The following NCAPH variants were observed in gnomAD, a reference collection of about 807,000 sequenced individuals.
NCAPH encodes non-SMC condensin I complex subunit H.
A neutral mutation model predicts 85.5 loss-of-function variants in NCAPH; 38 were observed. The observed-to-expected ratio is 0.44, with a 90% CI of 0.34 to 0.58. The LOEUF (loss-of-function observed/expected upper bound fraction) is 0.58, where lower values mean the gene tolerates loss of function less well. NCAPH is among the 20% of genes least tolerant of loss of function. The pLI, the probability that NCAPH is intolerant of heterozygous loss-of-function variation, is 0.01. For synonymous variants in NCAPH, 301 were observed against 335.1 expected, an observed-to-expected ratio of 0.90 and a Z score of 1.11; for missense variants, 789 against 916.6, an observed-to-expected ratio of 0.86 and a Z score of 1.80.
intron 6 of NCAPH, among the ~76,000 whole-genome samples, chr2:96,346,095 G>T (rs1414638787): frequency 6.6e-6 from 1 of 152,192 alleles, no homozygotes; most frequent in Admixed American, 6.5e-5. Flanking sequence ...AGAATTGCCA[G>T]GCTGATGTCC....
At chr2:96,354,038 A>C in intron 8 of NCAPH, 145 bp from the exon 9 acceptor site, 1 of 755,806 alleles carries the variant, frequency 1.3e-6, no homozygotes, top group Non-Finnish European at 2.3e-6. Context: ...TGGCCCAGGC[A>C]GGCAGGGGAT....
chr2:96,367,436 C>T lies in NCAPH; in HGVS notation c.1998+63C>T, dbSNP rs1486177782. 5.9e-6 allele frequency: 7 copies of T among 1,185,748 alleles called. No homozygotes were observed. The African/African-American group carries it at 7.7e-5, about 13-fold the overall frequency. The allele number at this position is 1,185,748 out of a possible 1,614,324, so 73.5% of individuals were successfully genotyped here. On this transcript the variant is annotated intron_variant, in intron 15 of 17. Coordinates refer to ENST00000240423, the MANE Select transcript of NCAPH (RefSeq NM_015341.5). ...GCGGGAGGGGAGTGGTTGATGTCTA[C>T]AGCTGAAGACACCTCGATTTGGGCA...
chr2:96,359,828 T>TG (rs2064579900), intron 10 of NCAPH, among the ~76,000 whole-genome samples: 1 of 152,218 alleles, frequency 6.6e-6, no homozygotes, highest in African/African-American at 2.4e-5. Context: ...CCCGCTTTGT[T>TG]GCCTAGGCTG....
At chr2:96,353,624 C>T (rs2064480224) in intron 8 of NCAPH, among the ~76,000 whole-genome samples, 2 of 152,186 alleles carry the variant, frequency 1.3e-5, no homozygotes, top group Non-Finnish European at 2.9e-5. Flanking sequence ...TTTATGTCCT[C>T]TCTTCTGCTA....
In NCAPH at chr2:96,341,668, T is replaced by A. The variant is rs776708946; in HGVS notation, c.46T>A (p.Ser16Thr). Residue 16 changes from serine to threonine, a missense_variant, in exon 2 of 18, where the codon TCT becomes ACT. Transcript: ENST00000240423. Reference sequence around the variant, plus strand: ...ACTGCCAGCCACAATGAATAACTCTTCTTCAGAGACGCGAGGACACCCCCA... The same window carrying A: ...ACTGCCAGCCACAATGAATAACTCTACTTCAGAGACGCGAGGACACCCCCA... Reference protein sequence around the residue: ...PALPATMNNSSSETRGHPHSA... With the variant: ...PALPATMNNSTSETRGHPHSA... 1 of 1,613,984 alleles carries A rather than the reference T, an allele frequency of 6.2e-7. No homozygotes were observed.
rs539596449 is a variant in NCAPH, at chr2:96,343,989, A to G, written c.596-116A>G. On this transcript the variant is annotated intron_variant, in intron 5 of 17. Transcript: ENST00000240423. The stretch of plus-strand genomic sequence containing the variant: ...AGCGCTAGGATTACAGGCATGAGCC[A>G]CCACACCTGGCCTCACATGTTTAAA... 56 of 1,350,438 alleles carry G rather than the reference A, an allele frequency of 4.1e-5. No individual in the cohort carries two copies. In the East Asian group the frequency reaches 1.2e-3, roughly 29 times the overall value. 83.7% of individuals were successfully genotyped at this position (1,350,438 alleles called of 1,614,324 possible).
rs918553250 is a variant in NCAPH at position 96,376,727 on chromosome 2, T to C, written c.*3376T>C. Among the ~76,000 whole-genome samples, 4 of 152,172 alleles carry C rather than the reference T, an allele frequency of 2.6e-5. No individual in the cohort carries two copies. The highest frequency in any genetic ancestry group is 5.9e-5 in the Non-Finnish European group (4 of 68,028). ...TTCATGGTGGCTGAAGCCAAGCTGC[T>C]CAGCACTGAGGCAGCAAGCCATGAT... is the stretch of plus-strand genomic sequence containing the variant. On this transcript the variant is annotated 3_prime_UTR_variant, in exon 18 of 18. Coordinates refer to ENST00000240423, the MANE Select transcript of NCAPH (RefSeq NM_015341.5).
chr2:96,342,250 G>C (rs995437509), intron 3 of NCAPH, 110 bp downstream of exon 3: 1 of 1,063,078 alleles, frequency 9.4e-7, no homozygotes, highest in African/African-American at 1.6e-5. Flanking sequence ...ATTCTCTGGT[G>C]AGTCATCTTA....
In NCAPH at chr2:96,343,184, G is replaced by T. The variant is rs375830252; in HGVS notation, c.475G>T (p.Asp159Tyr). The change falls in exon 5 of 18, where the codon GAT becomes TAT. Residue 159 changes from aspartate (D) to tyrosine (Y), a missense_variant. Coordinates refer to ENST00000240423, the MANE Select transcript of NCAPH (RefSeq NM_015341.5). ...TGACTAGGTGGCTGCGGGTACTCTG[G>T]ATGCCAGCACCAAGATCTATGCTGT... ...TNFKVAAGTLDASTKIYAVRV... is the reference protein window; with the variant it reads ...TNFKVAAGTLYASTKIYAVRV... 6.2e-7 allele frequency: 1 copy of T among 1,614,116 alleles called. No individual in the cohort carries two copies. Among genetic ancestry groups the T allele is most frequent in the Non-Finnish European group, 8.5e-7 (1 of 1,180,020 alleles).
In NCAPH at chr2:96,341,878, G is replaced by T. The variant is rs1170835820; in HGVS notation, c.256G>T (p.Ala86Ser). 13 of 1,609,894 alleles carry T rather than the reference G, an allele frequency of 8.1e-6. No homozygotes were observed. Among genetic ancestry groups the T allele is most frequent in the African/African-American group, 1.3e-5 (1 of 74,870 alleles). The part of the protein sequence containing the change: ...QFSTDSPRLL[A>S]SPSSRSIDIS... ...CAGCACTGACTCACCTCGCTTATTG[G>T]CCTCCCCCTCCAGCAGGTGAGGTGC... The change falls in exon 2 of 18, where the codon GCC becomes TCC. Residue 86 changes from alanine to serine, a missense_variant. Ala to Ser is a moderately conservative substitution (Grantham distance 99). Coordinates refer to ENST00000240423, the MANE Select transcript of NCAPH (RefSeq NM_015341.5).
At chr2:96,358,683 T>C (rs539001243) in intron 9 of NCAPH, among the ~76,000 whole-genome samples, 84 of 152,310 alleles carry the variant, frequency 5.5e-4, no homozygotes, top group Middle Eastern at 3.4e-3. Context: ...TTAGCCAGGG[T>C]GGTCTCGATC....
In NCAPH at chr2:96,367,208, A is replaced by C. The variant is rs112248735; in HGVS notation, c.1882-49A>C. The C allele has an allele frequency of 3.7e-6, 5 of 1,359,426 alleles. No individual in the cohort carries two copies. The Admixed American group carries it at 9.0e-5, about 25-fold the overall frequency. 84.2% of individuals were successfully genotyped at this position (1,359,426 alleles called of 1,614,324 possible). On this transcript the variant is annotated intron_variant, in intron 14 of 17. Coordinates refer to ENST00000240423, the MANE Select transcript of NCAPH (RefSeq NM_015341.5). ...TTTGTTTTTACAGTGAATTATGGTAAAAGTTTCTTTATTCTGCTTAGTTTT... is the reference window on the plus strand; with the variant it reads ...TTTGTTTTTACAGTGAATTATGGTACAAGTTTCTTTATTCTGCTTAGTTTT...
chr2:96,343,121 G>A (rs752521066), intron 4 of NCAPH, 45 bp from the exon 5 acceptor site: 1 of 1,604,042 alleles, frequency 6.2e-7, no homozygotes, highest in Non-Finnish European at 8.5e-7. Context: ...TTCAGAAGTT[G>A]TTTTTTGTGT....
rs199947249 is a variant in NCAPH, at chr2:96,359,085, A to T, written c.1249A>T (p.Met417Leu). 4 of 1,614,202 alleles carry T rather than the reference A, an allele frequency of 2.5e-6. No homozygotes were observed. The highest frequency in any genetic ancestry group is 1.1e-5 in the South Asian group (1 of 91,086). Residue 417 changes from methionine to leucine, a missense_variant, in exon 10 of 18, where the codon ATG becomes TTG. Physicochemically the swap from Met to Leu is conservative, Grantham distance 15 (BLOSUM62 2). Coordinates refer to ENST00000240423, the MANE Select transcript of NCAPH (RefSeq NM_015341.5). ...CCTTGGGGATGGAGACATCAGGACC[A>T]TGTGCCCCCTTCTGTCTATGAAACC... is the stretch of plus-strand genomic sequence containing the variant. ...ISLGDGDIRT[M>L]CPLLSMKPGE...
chr2:96,344,037 T>A, intron 5 of NCAPH, 68 bp from the exon 6 acceptor site: 2 of 1,550,130 alleles, frequency 1.3e-6, no homozygotes, highest in Non-Finnish European at 1.7e-6. Context: ...TTGAAGAACT[T>A]GAGTTAGTAA....
chr2:96,337,514 G>T (rs763551795), intron 1 of NCAPH, among the ~76,000 whole-genome samples: 9 of 151,988 alleles, frequency 5.9e-5, no homozygotes, highest in Non-Finnish European at 1.3e-4. Flanking sequence ...CCGCCTCCTG[G>T]GTTCACGCTA....
chr2:96,365,718 A>G (rs547856284), intron 13 of NCAPH, among the ~76,000 whole-genome samples, 158 bp from the exon 14 acceptor site: 1 of 152,194 alleles, frequency 6.6e-6, no homozygotes, highest in Non-Finnish European at 1.5e-5. Flanking sequence ...GTGAAACAGG[A>G]TGATAACTAG....
At chr2:96,361,828 A>ATATATATATATATATATAT (rs1457258768) in intron 12 of NCAPH, among the ~76,000 whole-genome samples, 1 of 108,022 alleles carries the variant, frequency 9.3e-6, no homozygotes, top group African/African-American at 4.2e-5. Context: ...ATATATATAT[A>ATATATATATATATATATAT]TTTTTTTTTT....
chr2:96,372,074 C>T (rs879571970), intron 17 of NCAPH, among the ~76,000 whole-genome samples: 16 of 152,232 alleles, frequency 1.1e-4, no homozygotes, highest in South Asian at 2.1e-4. Flanking sequence ...AGGAAAGGTG[C>T]GAGTGACTGT....
Sources: allele counts gnomAD v4.1 joint callset (sites outside exome capture counted in the v4.1 genomes callset), GRCh38; gene constraint gnomAD v4.1.1; transcripts MANE v1.5; gene names NCBI Gene and HGNC (gene_info 2026-07-23, HGNC 2026-07-21).